CFAP299: variants seen among roughly 807,000 people sequenced by gnomAD.
The protein encoded by CFAP299 is cilia- and flagella-associated protein 299.
CFAP299 carries 21 observed loss-of-function variants against 27.0 expected under a neutral mutation model. That is an observed-to-expected ratio of 0.78 (90% CI 0.55 to 1.12). The LOEUF is 1.12. Among genes scored for constraint, CFAP299 ranks in the 50% most tolerant of loss-of-function variants. The pLI is 0.00. For synonymous variants in CFAP299, 104 were observed against 98.1 expected, an observed-to-expected ratio of 1.06 and a Z score of -0.36; for missense variants, 310 against 276.6, an observed-to-expected ratio of 1.12 and a Z score of -0.86.
chr4:80,600,987 T>C (rs1450531588), intron 3 of CFAP299, among the ~76,000 whole-genome samples: 3 of 152,170 alleles, frequency 2.0e-5, no homozygotes, highest in Non-Finnish European at 2.9e-5. Context: ...AGTGATGTGC[T>C]TCATATGGTG....
At chr4:80,536,545 G>A (rs1733748944) in intron 2 of CFAP299, among the ~76,000 whole-genome samples, 2 of 152,020 alleles carry the variant, frequency 1.3e-5, no homozygotes, top group South Asian at 4.1e-4. Context: ...AAAATGGAGA[G>A]GCCAGAAATA....
At chr4:80,627,819 T>C (rs1030948176) in intron 3 of CFAP299, among the ~76,000 whole-genome samples, 1 of 151,852 alleles carries the variant, frequency 6.6e-6, no homozygotes, top group African/African-American at 2.4e-5. Context: ...AAAACAATGA[T>C]GAAAGAAATT....
chr4:80,648,150 T>C (rs1045480104), intron 3 of CFAP299, among the ~76,000 whole-genome samples: 1 of 152,202 alleles, frequency 6.6e-6, no homozygotes, highest in Non-Finnish European at 1.5e-5. Flanking sequence ...GGAAAAATAA[T>C]TGCACATTAT....
At chr4:80,792,816 G>A (rs1306139032) in intron 3 of CFAP299, among the ~76,000 whole-genome samples, 1 of 151,968 alleles carries the variant, frequency 6.6e-6, no homozygotes, top group African/African-American at 2.4e-5. Flanking sequence ...ATAAAAACTT[G>A]GTTATCTAAA....
chr4:80,667,721 A>C (rs138158234), intron 3 of CFAP299, among the ~76,000 whole-genome samples: 1 of 152,070 alleles, frequency 6.6e-6, no homozygotes, highest in East Asian at 1.9e-4. Context: ...CCACTCATTC[A>C]TTGATGGGCA....
intron 2 of CFAP299, among the ~76,000 whole-genome samples, chr4:80,473,920 C>T (rs977694666): frequency 6.6e-6 from 1 of 152,180 alleles, no homozygotes; most frequent in African/African-American, 2.4e-5. Flanking sequence ...TCTTTGGCTA[C>T]CTAAAAAATT....
chr4:80,688,427 C>A (rs541651360), intron 3 of CFAP299, among the ~76,000 whole-genome samples: 1 of 152,142 alleles, frequency 6.6e-6, no homozygotes, highest in South Asian at 2.1e-4. Flanking sequence ...CCAGCAGGGG[C>A]ACACTGACAC....
At chr4:80,386,494 T>G in intron 2 of CFAP299, 2 of 1,536,308 alleles carry the variant, frequency 1.3e-6, no homozygotes, top group South Asian at 2.4e-5. Context: ...GGGGCTGCCC[T>G]CTTCTCGCGG....
chr4:80,387,214 G>T, intron 2 of CFAP299: 1 of 1,420,192 alleles, frequency 7.0e-7, no homozygotes, highest in Non-Finnish European at 1.0e-6. Context: ...CGCTCAGGTC[G>T]TACATCGGGG....
At chr4:80,771,447 T>A (rs1726211614) in intron 3 of CFAP299, among the ~76,000 whole-genome samples, 1 of 152,208 alleles carries the variant, frequency 6.6e-6, no homozygotes, top group African/African-American at 2.4e-5. Flanking sequence ...ATTTTTCTCA[T>A]AATTCTGTTG....
At chr4:80,485,250 TATA>T (rs1730750696) in intron 2 of CFAP299, among the ~76,000 whole-genome samples, 1 of 149,050 alleles carries the variant, frequency 6.7e-6, no homozygotes, top group East Asian at 1.9e-4. Context: ...TATGTATAAA[TATA>T]ATAAAATATA....
chr4:80,700,320 G>A (rs1721393451), intron 3 of CFAP299, among the ~76,000 whole-genome samples: 1 of 152,042 alleles, frequency 6.6e-6, no homozygotes, highest in Non-Finnish European at 1.5e-5. Context: ...TAACTACTTA[G>A]AACAATGAAT....
intron 3 of CFAP299, among the ~76,000 whole-genome samples, chr4:80,841,276 A>G (rs189120121): frequency 2.0e-5 from 3 of 152,218 alleles, no homozygotes; most frequent in East Asian, 3.9e-4. Flanking sequence ...CCTAGACCCT[A>G]TGGTCTCACT....
chr4:80,947,830 T>A (rs1221055622), intron 5 of CFAP299, among the ~76,000 whole-genome samples: 1 of 152,166 alleles, frequency 6.6e-6, no homozygotes, highest in Admixed American at 6.5e-5. Context: ...ATCCAAGATC[T>A]TTTTTATTTC....
chr4:80,903,980 G>A (rs1375518719), intron 4 of CFAP299, among the ~76,000 whole-genome samples: 2 of 152,032 alleles, frequency 1.3e-5, no homozygotes, highest in East Asian at 3.9e-4. Context: ...TTTTATTTGA[G>A]GACACACTTT....
intron 3 of CFAP299, among the ~76,000 whole-genome samples, chr4:80,627,374 C>A (rs1449855491): frequency 1.3e-5 from 2 of 151,908 alleles, no homozygotes; most frequent in African/African-American, 4.8e-5. Flanking sequence ...ATATGATAAA[C>A]CCCATAGCTA....
chr4:80,947,781 C>G (rs902975815), intron 5 of CFAP299, among the ~76,000 whole-genome samples: 9 of 152,092 alleles, frequency 5.9e-5, no homozygotes, highest in African/African-American at 2.2e-4. Flanking sequence ...ATGTATTGTA[C>G]ATTGCTACAA....
At chr4:80,686,524 T>C (rs1256549816) in intron 3 of CFAP299, among the ~76,000 whole-genome samples, 2 of 152,222 alleles carry the variant, frequency 1.3e-5, no homozygotes, top group Non-Finnish European at 2.9e-5. Flanking sequence ...ATTATATTTA[T>C]ACAAATCCTA....
chr4:80,723,911 C>G (rs1722988458), intron 3 of CFAP299, among the ~76,000 whole-genome samples: 1 of 151,772 alleles, frequency 6.6e-6, no homozygotes, highest in African/African-American at 2.4e-5. Flanking sequence ...AAAATTTAAT[C>G]AAATAAACAG....
Sources: allele counts gnomAD v4.1 joint callset (sites outside exome capture counted in the v4.1 genomes callset), GRCh38; gene constraint gnomAD v4.1.1; transcripts MANE v1.5; gene names NCBI Gene and HGNC (gene_info 2026-07-23, HGNC 2026-07-21).